The following UNC79 variants were observed in gnomAD, a reference collection of about 807,000 sequenced individuals.
The protein encoded by UNC79 is protein unc-79 homolog.
Under a neutral mutation model 283.1 loss-of-function variants are expected in UNC79, and 37 were observed. The observed-to-expected ratio is 0.13, with a 90% CI of 0.10 to 0.17. The LOEUF (loss-of-function observed/expected upper bound fraction) is 0.17. Among genes scored for constraint, UNC79 ranks in the 10% least tolerant of loss-of-function variants. The pLI is 1.00. For missense variants in UNC79, 2,272 were observed against 3,211.1 expected, an observed-to-expected ratio of 0.71 and a Z score of 7.07; for synonymous variants, 1,107 against 1,200.2, an observed-to-expected ratio of 0.92 and a Z score of 1.61.
intron 18 of UNC79, among the ~76,000 whole-genome samples, chr14:93,578,762 AG>A (rs1198449259): frequency 1.3e-5 from 2 of 152,232 alleles, no homozygotes; most frequent in Non-Finnish European, 2.9e-5. Flanking sequence ...ATAGTGTTAT[AG>A]TACTACTACA....
At chr14:93,606,024 A>T (rs1020725703) in intron 26 of UNC79, among the ~76,000 whole-genome samples, 1 of 152,258 alleles carries the variant, frequency 6.6e-6, no homozygotes, top group Non-Finnish European at 1.5e-5. Context: ...CATTAGAAAT[A>T]TGAAATCCAT....
At chr14:93,624,332 T>C (rs1248393577) in intron 30 of UNC79, among the ~76,000 whole-genome samples, 1 of 152,212 alleles carries the variant, frequency 6.6e-6, no homozygotes, top group Non-Finnish European at 1.5e-5. Flanking sequence ...TCCTTGTTCA[T>C]AACAAGAAAG....
At chr14:93,670,342 A>G (rs1412888582) in intron 40 of UNC79, among the ~76,000 whole-genome samples, 2 of 152,182 alleles carry the variant, frequency 1.3e-5, no homozygotes, top group South Asian at 2.1e-4. Flanking sequence ...TCATTTGCCA[A>G]TTGCAGGCTC....
rs138676639 is a variant in UNC79 at position 93,469,014 on chromosome 14, G to A, written c.143+1223G>A. On this transcript the variant is annotated intron_variant, in intron 2 of 48. Coordinates refer to ENST00000555664, the Ensembl canonical transcript of UNC79. ...TGTCTTTGAGGTCCAAGTTCTCAATGGAAAACAGTTTCCTTTATGACAAAT... is the reference window on the plus strand; with the variant it reads ...TGTCTTTGAGGTCCAAGTTCTCAATAGAAAACAGTTTCCTTTATGACAAAT... 4.8e-3 allele frequency among the ~76,000 whole-genome samples: 725 copies of A among 152,256 alleles called. 16 individuals carry two copies. The highest frequency in any genetic ancestry group is 0.037 in the Admixed American group (568 of 15,294).
Position 93,593,675 on chromosome 14 carries a change from C to T in UNC79, c.3033-5C>T. On this transcript the variant is annotated splice_region_variant and splice_polypyrimidine_tract_variant and intron_variant, in intron 22 of 48. Coordinates refer to ENST00000555664, the Ensembl canonical transcript of UNC79. ...TCACCACTTTGCTTCTCCTTGATTC[C>T]CTAGCCTGTGGAGGGTCGTCAAATC... 6.2e-7 allele frequency: 1 copy of T among 1,608,696 alleles called. No individual in the cohort carries two copies. The highest frequency in any genetic ancestry group is 8.5e-7 in the Non-Finnish European group (1 of 1,177,856).
intron 35 of UNC79, among the ~76,000 whole-genome samples, chr14:93,648,500 A>G (rs1292125094): frequency 6.6e-6 from 1 of 152,054 alleles, no homozygotes; most frequent in Non-Finnish European, 1.5e-5. Context: ...GAATTTGCTG[A>G]TAGATTGGAT....
intron 27 of UNC79, among the ~76,000 whole-genome samples, chr14:93,614,327 A>G (rs929498691): frequency 3.4e-5 from 5 of 146,578 alleles, no homozygotes; most frequent in Admixed American, 6.7e-5. Context: ...TTATTTATTT[A>G]TTTATTTAGA....
At chr14:93,698,342 G>A (rs2075292020) in intron 47 of UNC79, among the ~76,000 whole-genome samples, 1 of 151,880 alleles carries the variant, frequency 6.6e-6, no homozygotes, top group Non-Finnish European at 1.5e-5. Context: ...CTCTGAATGT[G>A]GATTTATTTT....
upstream of UNC79, among the ~76,000 whole-genome samples, chr14:93,425,804 T>C (rs2140079774): frequency 6.6e-6 from 1 of 152,322 alleles, no homozygotes; most frequent in East Asian, 1.9e-4. Flanking sequence ...ACCTTGGGCA[T>C]AGGAAAGCAC....
chr14:93,576,450 A>AT (rs1369277424), intron 17 of UNC79, among the ~76,000 whole-genome samples: 1 of 152,204 alleles, frequency 6.6e-6, no homozygotes, highest in Non-Finnish European at 1.5e-5. Flanking sequence ...AAGAAAAAAA[A>AT]GAGAGAGAAA....
intron 32 of UNC79, 25 bp downstream of exon 35, chr14:93,637,324 G>A: frequency 6.2e-7 from 1 of 1,611,628 alleles, no homozygotes; most frequent in Non-Finnish European, 8.5e-7. Flanking sequence ...AGAGTCTCTG[G>A]CTGTAAAAGC....
chr14:93,646,156 C>T (rs1214568209), intron 34 of UNC79, among the ~76,000 whole-genome samples: 2 of 152,188 alleles, frequency 1.3e-5, no homozygotes, highest in Non-Finnish European at 2.9e-5. Context: ...CCTTTTTCCT[C>T]ATTTCAACCC....
At chr14:93,394,654 T>TGG (rs2054956763) in intron 1 of UNC79, among the ~76,000 whole-genome samples, 2 of 151,956 alleles carry the variant, frequency 1.3e-5, no homozygotes, top group Non-Finnish European at 1.5e-5. Flanking sequence ...TGATCCACCC[T>TGG]CCTCAGCCTC....
chr14:93,549,243 A>G (rs1287299208), intron 14 of UNC79, among the ~76,000 whole-genome samples: 2 of 152,246 alleles, frequency 1.3e-5, no homozygotes, highest in African/African-American at 2.4e-5. Flanking sequence ...AAGCAGAAAC[A>G]TTATAAAACA....
intron 17 of UNC79, among the ~76,000 whole-genome samples, chr14:93,577,447 A>G (rs758170997): frequency 2.0e-5 from 3 of 152,214 alleles, no homozygotes; most frequent in African/African-American, 7.2e-5. Flanking sequence ...CTTTTAACCA[A>G]TCAGGTCAAC....
At chr14:93,524,417 C>T (rs1267348169) in intron 8 of UNC79, among the ~76,000 whole-genome samples, 2 of 152,144 alleles carry the variant, frequency 1.3e-5, no homozygotes, top group African/African-American at 2.4e-5. Flanking sequence ...TATGCAAATT[C>T]AGGAGTGGTA....
intron 1 of UNC79, among the ~76,000 whole-genome samples, chr14:93,460,673 T>G (rs1326948576): frequency 1.3e-5 from 2 of 152,068 alleles, no homozygotes; most frequent in African/African-American, 4.8e-5. Context: ...AATGAGTGTT[T>G]TCTGTATGAC....
intron 42 of UNC79, among the ~76,000 whole-genome samples, chr14:93,684,098 T>C (rs1017009063): frequency 2.0e-5 from 3 of 152,234 alleles, no homozygotes; most frequent in Non-Finnish European, 4.4e-5. Flanking sequence ...AAGTATGTAA[T>C]GCAATATTTC....
At chr14:93,435,960 C>T (rs2056071796) in intron 1 of UNC79, among the ~76,000 whole-genome samples, 1 of 152,076 alleles carries the variant, frequency 6.6e-6, no homozygotes, top group African/African-American at 2.4e-5. Flanking sequence ...CCCTATATGC[C>T]CTATTTGTGT....
Sources: allele counts gnomAD v4.1 joint callset (sites outside exome capture counted in the v4.1 genomes callset), GRCh38; gene constraint gnomAD v4.1.1; transcripts MANE v1.5; gene names NCBI Gene and HGNC (gene_info 2026-07-23, HGNC 2026-07-21).